The following CAMKK1 variants were observed in gnomAD, a reference collection of about 807,000 sequenced individuals.
The protein encoded by CAMKK1 is calcium/calmodulin dependent protein kinase kinase 1.
CAMKK1 carries 20 observed loss-of-function variants against 63.5 expected under a neutral mutation model. The ratio of observed to expected loss-of-function variants is 0.32; its 90% CI spans 0.22 to 0.46. The LOEUF (loss-of-function observed/expected upper bound fraction) is 0.46. Ranked by LOEUF, CAMKK1 falls within the 20% of genes least tolerant of loss-of-function variation. The probability of loss-of-function intolerance (pLI) is 1.00; values close to 1 mark genes in which losing one functional copy is unlikely to be tolerated. For synonymous variants in CAMKK1, 253 were observed against 269.0 expected (o/e 0.94, Z 0.58); for missense variants, 588 against 658.1 (o/e 0.89, Z 1.17).
chr17:3,876,744 G>GTTTTTTTTTTTGGTTTTTTTT (rs2055177116), intron 9 of CAMKK1, among the ~76,000 whole-genome samples: 1 of 127,692 alleles, frequency 7.8e-6, no homozygotes, highest in Non-Finnish European at 1.6e-5. Context: ...AGTTGTTGCT[G>GTTTTTTTTTTTGGTTTTTTTT]TTTTTTTTTT....
At position 3,870,036 on chromosome 17, in the gene CAMKK1, C is replaced by G. The variant is rs534730113; in HGVS notation, c.1125-148G>C. The G allele has an allele frequency of 1.2e-4, 83 of 669,418 alleles. No individual in the cohort carries two copies. In the African/African-American group the frequency reaches 1.4e-3, roughly 12 times the overall value. 41.5% of individuals were successfully genotyped at this position (669,418 alleles called of 1,614,324 possible). A position where few individuals can be genotyped will look rare whatever the true frequency, so the allele number is the denominator to read the frequency against. ...AATTTCACAACAAGGGCTTGGAGAG[C>G]CTTTCCTGAGCAGGAGGTCAAGTCT... On this transcript the variant is annotated intron_variant, in intron 12 of 15. Transcript: ENST00000348335.
In CAMKK1 at chr17:3,885,676, A is replaced by AC. The variant is rs766223105; in HGVS notation, c.11dup (p.Pro5SerfsTer35). 5 of 1,612,618 alleles carry AC rather than the reference A, an allele frequency of 3.1e-6. No individual in the cohort carries two copies. Among genetic ancestry groups the AC allele is most frequent in the Non-Finnish European group, 4.2e-6 (5 of 1,179,944 alleles). On this transcript the variant is annotated frameshift_variant, in exon 2 of 16. Coordinates refer to ENST00000348335, the MANE Select transcript of CAMKK1 (RefSeq NM_032294.3). LOFTEE classifies it high-confidence loss of function. Reference sequence around the variant, plus strand: ...GAGGATCCTGGCAGCAGACAGCTGGACCCCCCTCCATTGCTTCAGTCAAGG... The same window carrying AC: ...GAGGATCCTGGCAGCAGACAGCTGGACCCCCCCTCCATTGCTTCAGTCAAGG...
At chr17:3,880,705 G>A (rs1013183630) in intron 8 of CAMKK1, among the ~76,000 whole-genome samples, 9 of 151,638 alleles carry the variant, frequency 5.9e-5, no homozygotes, top group African/African-American at 1.7e-4. Flanking sequence ...TTGCAAAGAT[G>A]CCATTTAGAG....
intron 15 of CAMKK1, among the ~76,000 whole-genome samples, chr17:3,863,794 A>G (rs2054406890): frequency 6.6e-6 from 1 of 152,094 alleles, no homozygotes; most frequent in African/African-American, 2.4e-5. Flanking sequence ...ATTAAGCCCA[A>G]TCTTGTCACT....
chr17:3,880,318 C>A (rs775999357), intron 9 of CAMKK1, 28 bp downstream of exon 9: 1 of 1,600,794 alleles, frequency 6.2e-7, no homozygotes, highest in East Asian at 2.2e-5. Flanking sequence ...TAGCCCCAGC[C>A]CCAGTGGGCA....
Position 3,860,745 on chromosome 17 carries a change from C to T in CAMKK1, c.*1466G>A, listed in dbSNP as rs2054310849. Reference sequence around the variant, plus strand: ...TTAAATAGACGTAGAAACTGTATTACAGATGCATGTACCAGTGCAGGACAT... The same window carrying T: ...TTAAATAGACGTAGAAACTGTATTATAGATGCATGTACCAGTGCAGGACAT... On this transcript the variant is annotated 3_prime_UTR_variant, in exon 16 of 16. Coordinates refer to ENST00000348335, the MANE Select transcript of CAMKK1 (RefSeq NM_032294.3). 1 of 152,260 alleles carries T rather than the reference C, an allele frequency of 6.6e-6. No homozygotes were observed. The highest frequency in any genetic ancestry group is 1.5e-5 in the Non-Finnish European group (1 of 68,066). The allele number at this position is 152,260 out of a possible 1,614,324, so 9.4% of individuals were successfully genotyped here.
At chr17:3,864,148 G>C (rs914371530) in intron 15 of CAMKK1, among the ~76,000 whole-genome samples, 13 of 147,634 alleles carry the variant, frequency 8.8e-5, no homozygotes, top group Non-Finnish European at 1.9e-4. Flanking sequence ...ATGGGGTCTT[G>C]CTATGTTGCC....
chr17:3,863,805 CTGTT>C (rs914503256), intron 15 of CAMKK1, among the ~76,000 whole-genome samples: 4 of 152,182 alleles, frequency 2.6e-5, no homozygotes, highest in Admixed American at 2.6e-4. Context: ...TCTTGTCACT[CTGTT>C]TGCCAGGTAC....
At chr17:3,880,469 GA>G in intron 8 of CAMKK1, 35 bp from the exon 9 acceptor site, 1 of 1,564,182 alleles carries the variant, frequency 6.4e-7, no homozygotes, top group Non-Finnish European at 8.8e-7. Flanking sequence ...GCATTCAGCT[GA>G]AATCAGGGCA....
chr17:3,871,333 G>GTTTTTTTTTTTTTT (rs71155812), intron 12 of CAMKK1, among the ~76,000 whole-genome samples: 5 of 111,038 alleles, frequency 4.5e-5, no homozygotes, highest in Non-Finnish European at 7.4e-5. Flanking sequence ...GTTGTTTTTT[G>GTTTTTTTTTTTTTT]TTTTTTTTTT....
At chr17:3,886,519 C>T (rs944770692) in intron 1 of CAMKK1, among the ~76,000 whole-genome samples, 1 of 152,148 alleles carries the variant, frequency 6.6e-6, no homozygotes, top group African/African-American at 2.4e-5. Context: ...GAAATCCCAT[C>T]TACTCGGGAG....
chr17:3,883,038 C>G lies in CAMKK1; in HGVS notation c.648+4G>C. On this transcript the variant is annotated splice_donor_region_variant and intron_variant, in intron 6 of 15. Transcript: ENST00000348335. The surrounding 1 kb of genome is among the most constrained non-coding windows in gnomAD (Gnocchi z 4.7). Reference sequence around the variant, plus strand: ...GTTCCCACCTGCTCACCACCACCCCCTACCTCGATCAGTTTGACCACATTC... The same window carrying G: ...GTTCCCACCTGCTCACCACCACCCCGTACCTCGATCAGTTTGACCACATTC... 1 of 1,613,872 alleles carries G rather than the reference C, an allele frequency of 6.2e-7. No individual in the cohort carries two copies. Among genetic ancestry groups the G allele is most frequent in the Non-Finnish European group, 8.5e-7 (1 of 1,179,940 alleles).
chr17:3,876,779 A>C (rs2055182463), intron 9 of CAMKK1, among the ~76,000 whole-genome samples: 1 of 131,238 alleles, frequency 7.6e-6, no homozygotes, highest in African/African-American at 2.9e-5. Context: ...TTTTTTTGAG[A>C]CAGAGTCTCA....
Position 3,887,489 on chromosome 17 carries a change from T to G in CAMKK1, c.-43-1759A>C, listed in dbSNP as rs1597490938. ...GCCTCCCTGGAGGAGGTGAAGGAGG[T>G]GAGGAGGCTGAGTGAGGCTAGAGTA... is the stretch of plus-strand genomic sequence containing the variant. On this transcript the variant is annotated intron_variant, in intron 1 of 15. Transcript: ENST00000348335. The surrounding 1 kb of genome is among the most constrained non-coding windows in gnomAD (Gnocchi z 6.1). 7.9e-6 allele frequency among the ~76,000 whole-genome samples: 1 copy of G among 126,900 alleles called. No individual in the cohort carries two copies. The highest frequency in any genetic ancestry group is 1.7e-5 in the Non-Finnish European group (1 of 58,800). 83.3% of individuals were successfully genotyped at this position (126,900 alleles called of 152,430 possible). A position where few individuals can be genotyped will look rare whatever the true frequency, so the allele number is the denominator to read the frequency against.
rs767600921 is a variant in CAMKK1 at position 3,890,681 on chromosome 17, C to A, written c.-44+2258G>T. The stretch of plus-strand genomic sequence containing the variant: ...TGTTGCCCACCCTTGCTCCCCACAA[C>A]CCCACACTTACTCTCCACTGCAGCC... On this transcript the variant is annotated intron_variant, in intron 1 of 15. Coordinates refer to ENST00000348335, the MANE Select transcript of CAMKK1 (RefSeq NM_032294.3). The surrounding 1 kb of genome is among the most constrained non-coding windows in gnomAD (Gnocchi z 6.5). 1 of 779,814 alleles carries A rather than the reference C, an allele frequency of 1.3e-6. No homozygotes were observed. Among genetic ancestry groups the A allele is most frequent in the Admixed American group, 1.7e-5 (1 of 59,042 alleles). 48.3% of individuals were successfully genotyped at this position (779,814 alleles called of 1,614,324 possible). A position where few individuals can be genotyped will look rare whatever the true frequency, so the allele number is the denominator to read the frequency against.
At position 3,887,378 on chromosome 17, in the gene CAMKK1, G is replaced by A. The variant is rs2055698529; in HGVS notation, c.-43-1648C>T. 2.0e-5 allele frequency among the ~76,000 whole-genome samples: 3 copies of A among 152,232 alleles called. 1 individual carries two copies. Among genetic ancestry groups the A allele is most frequent in the African/African-American group, 7.2e-5 (3 of 41,458 alleles). On this transcript the variant is annotated intron_variant, in intron 1 of 15. Coordinates refer to ENST00000348335, the MANE Select transcript of CAMKK1 (RefSeq NM_032294.3). This position sits in a 1 kb window ranked among gnomAD's most constrained non-coding sequence, Gnocchi z 6.1. ...TGCTGACATGGAGAAAGGAAGAGAG[G>A]AGGCTCCACACTAGGAACAGGAAAA...
Position 3,862,434 on chromosome 17 carries a change from C to T in CAMKK1, c.1446-151G>A. On this transcript the variant is annotated intron_variant, in intron 15 of 15. Transcript: ENST00000348335. The surrounding 1 kb of genome is among the most constrained non-coding windows in gnomAD (Gnocchi z 4.1). Reference sequence around the variant, plus strand: ...CAAGCTTGGCCTCCCTCTGGCCTCCCTACATCACGGCAGTTGCTCCTTGCC... The same window carrying T: ...CAAGCTTGGCCTCCCTCTGGCCTCCTTACATCACGGCAGTTGCTCCTTGCC... 4.4e-6 allele frequency: 3 copies of T among 675,594 alleles called. No individual in the cohort carries two copies. Among genetic ancestry groups the T allele is most frequent in the Non-Finnish European group, 7.8e-6 (3 of 385,928 alleles). The allele number at this position is 675,594 out of a possible 1,614,324, so 41.8% of individuals were successfully genotyped here. A position where few individuals can be genotyped will look rare whatever the true frequency, so the allele number is the denominator to read the frequency against.
intron 14 of CAMKK1, 144 bp from the exon 15 acceptor site, chr17:3,866,155 A>G: frequency 1.0e-6 from 1 of 974,738 alleles, no homozygotes; most frequent in East Asian, 2.6e-5. Context: ...GGCAGAGGCA[A>G]GAACACGGGG....
intron 14 of CAMKK1, 48 bp downstream of exon 14, chr17:3,869,439 T>TC: frequency 6.2e-7 from 1 of 1,610,658 alleles, no homozygotes; most frequent in Non-Finnish European, 8.5e-7. Flanking sequence ...AAGGCTCAGG[T>TC]CCCCCAGGCC....
Sources: allele counts gnomAD v4.1 joint callset (sites outside exome capture counted in the v4.1 genomes callset), GRCh38; gene constraint gnomAD v4.1.1; non-coding constraint Gnocchi (gnomAD v3.1); transcripts MANE v1.5; gene names NCBI Gene and HGNC (gene_info 2026-07-23, HGNC 2026-07-21).